The following EXOC6B variants were observed in gnomAD, a reference collection of about 807,000 sequenced individuals.
EXOC6B encodes the protein exocyst complex component 6B.
Under a neutral mutation model 113.5 loss-of-function variants are expected in EXOC6B, and 54 were observed. That is an observed-to-expected ratio of 0.48 (90% CI 0.38 to 0.60). EXOC6B has a LOEUF of 0.60. Ranked by LOEUF, EXOC6B falls within the 20% of genes least tolerant of loss-of-function variation. The probability of loss-of-function intolerance (pLI) is 0.00; values close to 1 mark genes in which losing one functional copy is unlikely to be tolerated. For synonymous variants in EXOC6B, 357 were observed against 339.0 expected (o/e 1.05, Z -0.58); for missense variants, 797 against 977.5 (o/e 0.82, Z 2.46).
At chr2:72,370,128 T>C (rs1690906840) in intron 19 of EXOC6B, among the ~76,000 whole-genome samples, 1 of 152,116 alleles carries the variant, frequency 6.6e-6, no homozygotes. Flanking sequence ...AAAGGGCTAA[T>C]ATCCAGAATC....
intron 17 of EXOC6B, among the ~76,000 whole-genome samples, chr2:72,480,245 C>T (rs1011303785): frequency 1.3e-5 from 2 of 151,630 alleles, no homozygotes; most frequent in Non-Finnish European, 2.9e-5. Context: ...GAGCAGGGGA[C>T]AGCTTAGTAG....
intron 19 of EXOC6B, among the ~76,000 whole-genome samples, chr2:72,354,890 G>C (rs1011227431): frequency 6.6e-6 from 1 of 152,190 alleles, no homozygotes; most frequent in Non-Finnish European, 1.5e-5. Flanking sequence ...ATGACAAAAA[G>C]ATTTGCAGTT....
intron 20 of EXOC6B, among the ~76,000 whole-genome samples, chr2:72,226,440 T>C (rs900777443): frequency 6.6e-6 from 1 of 151,990 alleles, no homozygotes; most frequent in Admixed American, 6.6e-5. Context: ...AAAGTTTATT[T>C]AAAAAAACAG....
At chr2:72,740,844 T>G (rs1441043902) in intron 2 of EXOC6B, among the ~76,000 whole-genome samples, 1 of 152,154 alleles carries the variant, frequency 6.6e-6, no homozygotes, top group Non-Finnish European at 1.5e-5. Flanking sequence ...GGCTCACGCC[T>G]GTAATCCCAG....
intron 1 of EXOC6B, among the ~76,000 whole-genome samples, chr2:72,815,752 G>A (rs968193958): frequency 2.0e-5 from 3 of 152,166 alleles, no homozygotes; most frequent in African/African-American, 4.8e-5. Context: ...CTGCTAGAGG[G>A]AGAACAAAAT....
intron 6 of EXOC6B, among the ~76,000 whole-genome samples, chr2:72,692,094 G>A (rs534281435): frequency 4.2e-4 from 64 of 151,842 alleles, no homozygotes; most frequent in African/African-American, 1.4e-3. Flanking sequence ...AAGAATAAAC[G>A]AACAAAGGTA....
chr2:72,219,051 T>C (rs1680708311), intron 20 of EXOC6B, among the ~76,000 whole-genome samples: 2 of 152,092 alleles, frequency 1.3e-5, no homozygotes, highest in South Asian at 4.1e-4. Flanking sequence ...CTGTGGTTGT[T>C]TGTATCAGGG....
intron 8 of EXOC6B, among the ~76,000 whole-genome samples, chr2:72,541,499 G>A (rs528727570): frequency 2.6e-5 from 4 of 152,020 alleles, no homozygotes; most frequent in East Asian, 1.9e-4. Context: ...TTATACAAAA[G>A]CCCTTCTCCT....
At chr2:72,640,355 T>C (rs1673138113) in intron 6 of EXOC6B, among the ~76,000 whole-genome samples, 1 of 151,992 alleles carries the variant, frequency 6.6e-6, no homozygotes, top group Non-Finnish European at 1.5e-5. Flanking sequence ...CTCTAAGAAA[T>C]ACGGGATTAT....
chr2:72,616,146 C>T (rs963568826), intron 6 of EXOC6B, among the ~76,000 whole-genome samples: 1 of 151,784 alleles, frequency 6.6e-6, no homozygotes, highest in Non-Finnish European at 1.5e-5. Context: ...GAAGAAGATA[C>T]AAATAAAAGA....
chr2:72,696,135 T>C (rs1677860091), intron 6 of EXOC6B, among the ~76,000 whole-genome samples: 1 of 152,188 alleles, frequency 6.6e-6, no homozygotes, highest in Non-Finnish European at 1.5e-5. Flanking sequence ...ATTCAAACTA[T>C]ACTATACTGG....
intron 6 of EXOC6B, among the ~76,000 whole-genome samples, chr2:72,580,289 G>A (rs1443922749): frequency 2.6e-5 from 4 of 151,558 alleles, no homozygotes; most frequent in African/African-American, 4.9e-5. Context: ...TTACAGGCAC[G>A]TGCCACCATG....
intron 8 of EXOC6B, among the ~76,000 whole-genome samples, chr2:72,540,999 G>A (rs756248383): frequency 6.6e-6 from 1 of 152,118 alleles, no homozygotes; most frequent in Non-Finnish European, 1.5e-5. Flanking sequence ...ATTTGATATG[G>A]TTTGGTTGTG....
At chr2:72,387,988 A>G (rs942410553) in intron 18 of EXOC6B, among the ~76,000 whole-genome samples, 1 of 152,100 alleles carries the variant, frequency 6.6e-6, no homozygotes, top group Non-Finnish European at 1.5e-5. Context: ...GCAGTTCTCA[A>G]CTGGGGGCAA....
chr2:72,594,761 G>T (rs1341288654), intron 6 of EXOC6B, among the ~76,000 whole-genome samples: 2 of 152,040 alleles, frequency 1.3e-5, no homozygotes, highest in Non-Finnish European at 2.9e-5. Context: ...CTGGCATTTA[G>T]AAACAGTAAC....
chr2:72,194,935 G>C (rs1292765887), intron 20 of EXOC6B, among the ~76,000 whole-genome samples: 3 of 152,116 alleles, frequency 2.0e-5, no homozygotes, highest in African/African-American at 7.2e-5. Flanking sequence ...GAAGAGGTAG[G>C]GGAAGGCACA....
chr2:72,654,643 G>C (rs542404069), intron 6 of EXOC6B, among the ~76,000 whole-genome samples: 5 of 152,220 alleles, frequency 3.3e-5, no homozygotes, highest in Admixed American at 1.3e-4. Flanking sequence ...AAGAGAATGA[G>C]GAATCTTTTC....
At chr2:72,601,206 G>A (rs10176180) in intron 6 of EXOC6B, among the ~76,000 whole-genome samples, 3,344 of 144,114 alleles carry the variant, frequency 0.023, 155 homozygotes, top group African/African-American at 0.08. Flanking sequence ...TTCCTGAGAC[G>A]GAGACTCACT....
chr2:72,639,541 T>A (rs928873403), intron 6 of EXOC6B, among the ~76,000 whole-genome samples: 1 of 152,176 alleles, frequency 6.6e-6, no homozygotes, highest in African/African-American at 2.4e-5. Flanking sequence ...GCTGCTGCCA[T>A]CCATGTGCAA....
Sources: gnomAD v4.1 joint callset for allele counts (sites outside exome capture counted in the v4.1 genomes callset) on GRCh38, gnomAD v4.1.1 for gene constraint, MANE v1.5 for transcripts, NCBI Gene and HGNC (gene_info 2026-07-23, HGNC 2026-07-21) for gene names.